SLC6A19: variants seen among roughly 807,000 people sequenced by gnomAD.
The protein encoded by SLC6A19 is sodium-dependent neutral amino acid transporter B(0)AT1.
A neutral mutation model predicts 68.3 loss-of-function variants in SLC6A19; 67 were observed. That is an observed-to-expected ratio of 0.98 (90% confidence interval 0.81 to 1.20). SLC6A19 has a LOEUF of 1.20. Ranked by LOEUF, SLC6A19 falls within the 50% of genes most tolerant of loss-of-function variation. The pLI is 0.00. For missense variants in SLC6A19, 813 were observed against 851.6 expected, an observed-to-expected ratio of 0.95 and a Z score of 0.56; for synonymous variants, 392 against 374.9, an observed-to-expected ratio of 1.05 and a Z score of -0.53.
chr5:1,215,373 G>A lies in SLC6A19; in HGVS notation c.888-1185G>A, dbSNP rs1746178687. Reference sequence around the variant, plus strand: ...GTCCAGTTCTAGAAGGTTCCAATCAGCAAAAGCTCCACATATGTGAGCAGC... The same window carrying A: ...GTCCAGTTCTAGAAGGTTCCAATCAACAAAAGCTCCACATATGTGAGCAGC... On this transcript the variant is annotated intron_variant, in intron 6 of 11. Transcript: ENST00000304460. This position sits in a 1 kb window ranked among gnomAD's most constrained non-coding sequence, Gnocchi z 5.1. Among the ~76,000 whole-genome samples the A allele has an allele frequency of 6.6e-6, 1 of 152,224 alleles. No homozygotes were observed. Among genetic ancestry groups the A allele is most frequent in the Non-Finnish European group, 1.5e-5 (1 of 68,038 alleles).
At chr5:1,207,897 C>T (rs1745900708) in intron 1 of SLC6A19, among the ~76,000 whole-genome samples, 1 of 152,124 alleles carries the variant, frequency 6.6e-6, no homozygotes, top group South Asian at 2.1e-4. Context: ...AGAATTAGCC[C>T]CAGAATGATA....
chr5:1,219,801 G>A (rs952216792), intron 10 of SLC6A19, 137 bp downstream of exon 10: 1 of 1,198,294 alleles, frequency 8.3e-7, no homozygotes, highest in Non-Finnish European at 1.2e-6. Flanking sequence ...GGCCACAGAG[G>A]CTGGTGTAGA....
At chr5:1,219,135 A>G in intron 9 of SLC6A19, 28 bp downstream of exon 9, 1 of 1,589,880 alleles carries the variant, frequency 6.3e-7, no homozygotes, top group South Asian at 1.1e-5. Flanking sequence ...AGGGGTCCCC[A>G]TGGCAATGGT....
In SLC6A19 at chr5:1,210,522, T is replaced by C. The variant is rs1434678796; in HGVS notation, c.422T>C (p.Phe141Ser). ...ATCTCCTGGATCATGTGGTACTTAT[T>C]CAACTCCTTCCAGGAGCCTCTGCCC... ...TIISWIMWYLFNSFQEPLPWS... is the reference protein window; with the variant it reads ...TIISWIMWYLSNSFQEPLPWS... Residue 141 changes from phenylalanine to serine, a missense_variant, in exon 3 of 12, where the codon TTC becomes TCC. Transcript: ENST00000304460. 6.2e-7 allele frequency: 1 copy of C among 1,613,358 alleles called. No individual in the cohort carries two copies. The highest frequency in any genetic ancestry group is 1.3e-5 in the African/African-American group (1 of 74,942).
In SLC6A19 at chr5:1,213,592, C is replaced by T. The variant is rs778858918; in HGVS notation, c.774+19C>T. On this transcript the variant is annotated intron_variant, in intron 5 of 11. Transcript: ENST00000304460. ...GCCCAACGTAAGTCCCCGAGGCTGCCCTGGGCCCAGACCCCGGGAGAGGCC... is the reference window on the plus strand; with the variant it reads ...GCCCAACGTAAGTCCCCGAGGCTGCTCTGGGCCCAGACCCCGGGAGAGGCC... 29 of 1,606,370 alleles carry T rather than the reference C, an allele frequency of 1.8e-5. No individual in the cohort carries two copies. The Admixed American group carries it at 2.3e-4, about 13-fold the overall frequency.
intron 6 of SLC6A19, among the ~76,000 whole-genome samples, chr5:1,216,062 T>C (rs891061913): frequency 6.6e-6 from 1 of 151,990 alleles, no homozygotes; most frequent in African/African-American, 2.4e-5. Flanking sequence ...GCTGGCTGGG[T>C]TGGGTCAGGG....
Position 1,201,670 on chromosome 5 carries a change from C to T in SLC6A19, c.20C>T (p.Pro7Leu), listed in dbSNP as rs1357427165. The change falls in exon 1 of 12, where the codon CCC becomes CTC. Residue 7 changes from proline to leucine, a missense_variant. Pro to Leu is a moderately conservative substitution (Grantham distance 98). Transcript: ENST00000304460. ...ACCACCATGGTGAGGCTCGTGCTGCCCAACCCCGGCCTAGACGCCCGGATC... is the reference window on the plus strand; with the variant it reads ...ACCACCATGGTGAGGCTCGTGCTGCTCAACCCCGGCCTAGACGCCCGGATC... MVRLVL[P>L]NPGLDARIPS... 3 of 1,608,092 alleles carry T rather than the reference C, an allele frequency of 1.9e-6. No individual in the cohort carries two copies. In the African/African-American group the frequency reaches 4.0e-5, roughly 21 times the overall value.
intron 6 of SLC6A19, among the ~76,000 whole-genome samples, 189 bp from the exon 7 acceptor site, chr5:1,216,369 G>A (rs1395380197): frequency 6.6e-6 from 1 of 152,164 alleles, no homozygotes; most frequent in East Asian, 1.9e-4. Flanking sequence ...TGCTGCCCTG[G>A]GGCCACCTCT....
At chr5:1,217,006 C>T (rs1304795534) in intron 8 of SLC6A19, 61 bp downstream of exon 8, 24 of 1,608,474 alleles carry the variant, frequency 1.5e-5, no homozygotes, top group Admixed American at 3.3e-5. Flanking sequence ...CCTCAGAGTC[C>T]GGCCACCCCT....
chr5:1,206,953 G>T (rs566636638), intron 1 of SLC6A19, among the ~76,000 whole-genome samples: 1 of 152,178 alleles, frequency 6.6e-6, no homozygotes, highest in African/African-American at 2.4e-5. Flanking sequence ...TGCTGACCTC[G>T]GTCCCAAAGG....
At position 1,222,129 on chromosome 5, in the gene SLC6A19, A is replaced by G; in HGVS notation, c.*225A>G. 1.6e-6 allele frequency: 1 copy of G among 609,010 alleles called. No individual in the cohort carries two copies. Among genetic ancestry groups the G allele is most frequent in the South Asian group, 1.9e-5 (1 of 51,682 alleles). The allele number at this position is 609,010 out of a possible 1,614,324, so 37.7% of individuals were successfully genotyped here. A position where few individuals can be genotyped will look rare whatever the true frequency, so the allele number is the denominator to read the frequency against. ...AGTGTGCACGTGTATGCACACATAT[A>G]CATGTGTGTGGGTGTGTGTATTGTA... On this transcript the variant is annotated 3_prime_UTR_variant, in exon 12 of 12. Transcript: ENST00000304460.
intron 1 of SLC6A19, among the ~76,000 whole-genome samples, chr5:1,208,504 T>G (rs1745919141): frequency 6.6e-6 from 1 of 151,926 alleles, no homozygotes; most frequent in South Asian, 2.1e-4. Flanking sequence ...CGTCCAGAGG[T>G]CCCATAGGCG....
chr5:1,218,356 C>T (rs935429711), intron 8 of SLC6A19, among the ~76,000 whole-genome samples: 1 of 152,200 alleles, frequency 6.6e-6, no homozygotes, highest in Non-Finnish European at 1.5e-5. Flanking sequence ...GGAGATTCCA[C>T]AGCTAGGACC....
At chr5:1,213,863 G>GACCCTCCCCGCCTCCCTGGGAGCAC in intron 5 of SLC6A19, 90 bp from the exon 6 acceptor site, 1 of 1,588,480 alleles carries the variant, frequency 6.3e-7, no homozygotes, top group Non-Finnish European at 8.5e-7. Flanking sequence ...CAATAGCCTC[G>GACCCTCCCCGCCTCCCTGGGAGCAC]ACCCTCCCCG....
chr5:1,214,143 G>A lies in SLC6A19; in HGVS notation c.887+78G>A. 6.2e-7 allele frequency: 1 copy of A among 1,605,126 alleles called. No individual in the cohort carries two copies. The highest frequency in any genetic ancestry group is 8.5e-7 in the Non-Finnish European group (1 of 1,176,202). On this transcript the variant is annotated intron_variant, in intron 6 of 11. Coordinates refer to ENST00000304460, the MANE Select transcript of SLC6A19 (RefSeq NM_001003841.3). The surrounding 1 kb of genome is among the most constrained non-coding windows in gnomAD (Gnocchi z 7.4). Reference sequence around the variant, plus strand: ...TGCTGGGAGGATAAAAGACAAGGTGGAAAGCACTCTGTGGCTGTGTGGCCG... The same window carrying A: ...TGCTGGGAGGATAAAAGACAAGGTGAAAAGCACTCTGTGGCTGTGTGGCCG...
At chr5:1,219,165 C>A (rs942236689) in intron 9 of SLC6A19, 58 bp downstream of exon 9, 2 of 1,531,876 alleles carry the variant, frequency 1.3e-6, no homozygotes, top group Admixed American at 1.9e-5. Flanking sequence ...GGGATGGCAG[C>A]CCCCGGCTGT....
At position 1,211,912 on chromosome 5, in the gene SLC6A19, TGCATGTGTGTGCATGTGA is replaced by T. The variant is rs1393091377; in HGVS notation, c.482-363_482-346del. Among the ~76,000 whole-genome samples the T allele has an allele frequency of 4.8e-4, 70 of 146,282 alleles. 1 individual carries two copies. The East Asian group carries it at 7.6e-3, about 16-fold the overall frequency. ...CACACTTGTGTGCTGTGTGTGTACA[TGCATGTGTGTGCATGTGA>T]GCATGTGTGTGCATGTGAGCATGTG... On this transcript the variant is annotated intron_variant, in intron 3 of 11. Coordinates refer to ENST00000304460, the MANE Select transcript of SLC6A19 (RefSeq NM_001003841.3).
In SLC6A19 at chr5:1,221,943, G is replaced by T; in HGVS notation, c.*39G>T. 6.2e-7 allele frequency: 1 copy of T among 1,605,298 alleles called. No homozygotes were observed. The highest frequency in any genetic ancestry group is 8.5e-7 in the Non-Finnish European group (1 of 1,173,996). On this transcript the variant is annotated 3_prime_UTR_variant, in exon 12 of 12. Transcript: ENST00000304460. ...ACGGCGTGCCATACACTGGTGTCAG[G>T]GAAGGAGGAACCAGCAAGACCTGTG...
chr5:1,217,695 G>A (rs1371583972), intron 8 of SLC6A19, among the ~76,000 whole-genome samples: 1 of 152,254 alleles, frequency 6.6e-6, no homozygotes, highest in Non-Finnish European at 1.5e-5. Flanking sequence ...AGGCAGGAGG[G>A]GCCCAACAGG....
Sources: gnomAD v4.1 joint callset for allele counts (sites outside exome capture counted in the v4.1 genomes callset) on GRCh38, gnomAD v4.1.1 for gene constraint, Gnocchi (gnomAD v3.1) non-coding constraint, MANE v1.5 for transcripts, NCBI Gene and HGNC (gene_info 2026-07-23, HGNC 2026-07-21) for gene names.